Variants in BEAN1 observed in about 807,000 individuals in gnomAD.
The protein encoded by BEAN1 is brain expressed associated with NEDD4 1, also known as protein BEAN1.
Under a neutral mutation model 17.7 loss-of-function variants are expected in BEAN1, and 17 were observed. The observed-to-expected ratio is 0.96, with a 90% CI of 0.66 to 1.44. BEAN1 has a LOEUF of 1.44. BEAN1 is among the 40% of genes most tolerant of loss of function. The pLI is 0.00. For synonymous variants in BEAN1, 142 were observed against 151.8 expected, an observed-to-expected ratio of 0.94 and a Z score of 0.47; for missense variants, 359 against 374.1, an observed-to-expected ratio of 0.96 and a Z score of 0.33.
chr16:66,487,007 T>C (rs867689777), downstream of BEAN1, among the ~76,000 whole-genome samples: 2 of 152,174 alleles, frequency 1.3e-5, no homozygotes, highest in Non-Finnish European at 2.9e-5. Flanking sequence ...TTTCTCATGG[T>C]TGCCATAGCA....
At chr16:66,441,209 G>A (rs570154139) in intron 2 of BEAN1, among the ~76,000 whole-genome samples, 3 of 152,270 alleles carry the variant, frequency 2.0e-5, no homozygotes, top group South Asian at 2.1e-4. Flanking sequence ...CTGAACAAGC[G>A]AATGAGTCAA....
rs1963468512 is a variant in BEAN1 at position 66,471,164 on chromosome 16, A to G, written c.289+1299A>G. ...TTGGGGCCCCTCCTCCCCCTCCCAGACACACCCTGATTAGCCAGGTTTGGG... is the reference window on the plus strand; with the variant it reads ...TTGGGGCCCCTCCTCCCCCTCCCAGGCACACCCTGATTAGCCAGGTTTGGG... On this transcript the variant is annotated intron_variant, in intron 3 of 4. Transcript: ENST00000536005. The surrounding 1 kb of genome is among the most constrained non-coding windows in gnomAD (Gnocchi z 4.7). 6.6e-6 allele frequency among the ~76,000 whole-genome samples: 1 copy of G among 152,222 alleles called. No individual in the cohort carries two copies. The highest frequency in any genetic ancestry group is 1.5e-5 in the Non-Finnish European group (1 of 68,034).
At position 66,473,720 on chromosome 16, in the gene BEAN1, A is replaced by T. The variant is rs376559374; in HGVS notation, c.290-3840A>T. 0.037 allele frequency among the ~76,000 whole-genome samples: 5,529 copies of T among 150,774 alleles called. 160 individuals are homozygous for T. Among genetic ancestry groups the T allele is most frequent in the African/African-American group, 0.085 (3,475 of 40,968 alleles). Reference sequence around the variant, plus strand: ...TCTAAATAAATAAATAAATAAATAAATAATAAATAATAAATAAAGAGGGAG... The same window carrying T: ...TCTAAATAAATAAATAAATAAATAATTAATAAATAATAAATAAAGAGGGAG... On this transcript the variant is annotated intron_variant, in intron 3 of 4. Transcript: ENST00000536005. The surrounding 1 kb of genome is among the most constrained non-coding windows in gnomAD (Gnocchi z 4.5).
chr16:66,445,434 C>T lies in BEAN1; in HGVS notation c.25+7733C>T, dbSNP rs547112789. Among the ~76,000 whole-genome samples the T allele has an allele frequency of 5.5e-5, 7 of 128,068 alleles. No individual in the cohort carries two copies. In the South Asian group the frequency reaches 1.8e-3, roughly 33 times the overall value. 84.0% of individuals were successfully genotyped at this position (128,068 alleles called of 152,430 possible). On this transcript the variant is annotated intron_variant, in intron 2 of 4. Coordinates refer to ENST00000536005, the MANE Select transcript of BEAN1 (RefSeq NM_001178020.3). ...GAGCTTGCAATGAGCCGAGATCACACCACTGCACTCCAGCCTGGGCAAGAG... is the reference window on the plus strand; with the variant it reads ...GAGCTTGCAATGAGCCGAGATCACATCACTGCACTCCAGCCTGGGCAAGAG...
chr16:66,436,124 C>T (rs971491052), intron 1 of BEAN1, among the ~76,000 whole-genome samples: 2 of 152,186 alleles, frequency 1.3e-5, no homozygotes, highest in African/African-American at 2.4e-5. Flanking sequence ...GGTGCAGTTT[C>T]GCTTCTGCAA....
intron 2 of BEAN1, among the ~76,000 whole-genome samples, chr16:66,468,874 G>T (rs187658249): frequency 1.3e-5 from 2 of 152,018 alleles, no homozygotes; most frequent in Non-Finnish European, 2.9e-5. Flanking sequence ...GCTTCTTTCC[G>T]TAGGACTCTC....
At chr16:66,463,429 C>A (rs1465252436) in intron 2 of BEAN1, among the ~76,000 whole-genome samples, 1 of 152,138 alleles carries the variant, frequency 6.6e-6, no homozygotes, top group Non-Finnish European at 1.5e-5. Flanking sequence ...GCTTACTGGC[C>A]AATTGTATCT....
At chr16:66,437,938 G>A (rs989365263) in intron 2 of BEAN1, 20 of 618,632 alleles carry the variant, frequency 3.2e-5, no homozygotes, top group South Asian at 2.6e-4. Context: ...AGCCCTTCCC[G>A]AAGTGTGGAT....
chr16:66,487,024 G>C (rs887358093), downstream of BEAN1, among the ~76,000 whole-genome samples: 6 of 152,190 alleles, frequency 3.9e-5, no homozygotes, highest in Non-Finnish European at 5.9e-5. Flanking sequence ...AGCAGGGAGG[G>C]GGCTTGGACC....
chr16:66,469,831 C>T lies in BEAN1; in HGVS notation c.255C>T (p.Arg85=), dbSNP rs1316569626. 4.6e-6 allele frequency: 7 copies of T among 1,508,210 alleles called. No individual in the cohort carries two copies. The highest frequency in any genetic ancestry group is 8.8e-7 in the Non-Finnish European group (1 of 1,132,644). 93.4% of individuals were successfully genotyped at this position (1,508,210 alleles called of 1,614,324 possible). ...HRHHHHHHHH[R]RRRHREYEHG... The stretch of plus-strand genomic sequence containing the variant: ...ACCACCACCACCATCATCACCACCG[C>T]CGGCGTCGACACCGAGAGTACGAGC... Residue 85 remains arginine (R), a synonymous_variant, in exon 3 of 5, where the codon CGC becomes CGT. Coordinates refer to ENST00000536005, the MANE Select transcript of BEAN1 (RefSeq NM_001178020.3).
At chr16:66,444,505 G>C (rs911726768) in intron 2 of BEAN1, among the ~76,000 whole-genome samples, 1 of 152,218 alleles carries the variant, frequency 6.6e-6, no homozygotes, top group Non-Finnish European at 1.5e-5. Context: ...GGAAGACAGA[G>C]AGAGTGGGTG....
intron 2 of BEAN1, among the ~76,000 whole-genome samples, chr16:66,463,338 T>G (rs918668415): frequency 6.6e-6 from 1 of 152,240 alleles, no homozygotes. Flanking sequence ...ATAGCCATCC[T>G]ACTGGGTGTG....
chr16:66,463,430 A>T (rs921219273), intron 2 of BEAN1, among the ~76,000 whole-genome samples: 3 of 152,210 alleles, frequency 2.0e-5, no homozygotes, highest in African/African-American at 7.2e-5. Context: ...CTTACTGGCC[A>T]ATTGTATCTT....
intron 3 of BEAN1, among the ~76,000 whole-genome samples, chr16:66,470,293 T>C (rs1963434966): frequency 6.6e-6 from 1 of 150,460 alleles, no homozygotes; most frequent in Non-Finnish European, 1.5e-5. Context: ...CGTAGGAAAA[T>C]GGATGGGTGA....
intron 2 of BEAN1, among the ~76,000 whole-genome samples, chr16:66,442,854 G>A (rs1596988695): frequency 6.6e-6 from 1 of 152,296 alleles, no homozygotes; most frequent in East Asian, 1.9e-4. Flanking sequence ...CTGTATTGAG[G>A]GAGAGGGGGA....
chr16:66,455,859 G>T (rs1962846394), intron 2 of BEAN1, among the ~76,000 whole-genome samples: 1 of 152,090 alleles, frequency 6.6e-6, no homozygotes, highest in Non-Finnish European at 1.5e-5. Context: ...ACTAATTTTG[G>T]TATTTTTTTA....
Position 66,434,007 on chromosome 16 carries a change from G to A in BEAN1, c.-82-3588G>A, listed in dbSNP as rs1177567929. 6.6e-6 allele frequency among the ~76,000 whole-genome samples: 1 copy of A among 152,236 alleles called. No individual in the cohort carries two copies. Among genetic ancestry groups the A allele is most frequent in the Non-Finnish European group, 1.5e-5 (1 of 68,036 alleles). ...TCCCGGAGCGGGGACATGAAGGGGA[G>A]TGGGAATGACGTGGACTTGCCACAC... is the stretch of plus-strand genomic sequence containing the variant. On this transcript the variant is annotated intron_variant, in intron 1 of 4. Coordinates refer to ENST00000536005, the MANE Select transcript of BEAN1 (RefSeq NM_001178020.3). The surrounding 1 kb of genome is among the most constrained non-coding windows in gnomAD (Gnocchi z 4.3).
chr16:66,452,637 C>T (rs1041773096), intron 2 of BEAN1, among the ~76,000 whole-genome samples: 5 of 152,146 alleles, frequency 3.3e-5, no homozygotes, highest in African/African-American at 1.2e-4. Flanking sequence ...AATCTGAGTG[C>T]GTTGTCAGGT....
At chr16:66,447,985 T>C (rs1268955189) in intron 2 of BEAN1, among the ~76,000 whole-genome samples, 4 of 152,146 alleles carry the variant, frequency 2.6e-5, no homozygotes, top group Admixed American at 2.6e-4. Flanking sequence ...GGAGAAGCCC[T>C]CTTTGGAAAG....
Sources: allele counts gnomAD v4.1 joint callset (sites outside exome capture counted in the v4.1 genomes callset), GRCh38; gene constraint gnomAD v4.1.1; non-coding constraint Gnocchi (gnomAD v3.1); transcripts MANE v1.5; gene names NCBI Gene and HGNC (gene_info 2026-07-23, HGNC 2026-07-21).